Variants in ALDOA observed in about 807,000 individuals in gnomAD.
The protein encoded by ALDOA is aldolase, fructose-bisphosphate A.
Under a neutral mutation model 43.9 loss-of-function variants are expected in ALDOA, and 26 were observed. The observed-to-expected ratio is 0.59, with a 90% CI of 0.43 to 0.82. The LOEUF is 0.82. Among genes scored for constraint, ALDOA ranks in the 40% least tolerant of loss-of-function variants. The pLI, the probability that ALDOA is intolerant of heterozygous loss-of-function variation, is 0.00. For synonymous variants in ALDOA, 258 were observed against 222.6 expected (o/e 1.16, Z -1.42); for missense variants, 498 against 549.5 (o/e 0.91, Z 0.94).
chr16:30,066,022 T>C lies in ALDOA; in HGVS notation c.-14+95T>C, dbSNP rs891338109. On this transcript the variant is annotated intron_variant, in intron 1 of 9. Transcript: ENST00000642816. Reference sequence around the variant, plus strand: ...GGCGTCCGCGTGGAGGCCTCCCCCATCCCATGCCAGCGTCTCCCCACTACC... The same window carrying C: ...GGCGTCCGCGTGGAGGCCTCCCCCACCCCATGCCAGCGTCTCCCCACTACC... 2.0e-5 allele frequency: 3 copies of C among 152,702 alleles called. No homozygotes were observed. The South Asian group carries it at 6.2e-4, about 31-fold the overall frequency. The allele number at this position is 152,702 out of a possible 1,614,324, so 9.5% of individuals were successfully genotyped here. A position where few individuals can be genotyped will look rare whatever the true frequency, so the allele number is the denominator to read the frequency against.
chr16:30,066,369 C>T (rs1172309146), intron 1 of ALDOA: 1 of 153,190 alleles, frequency 6.5e-6, no homozygotes, highest in African/African-American at 2.4e-5. Context: ...CCCCTTAACA[C>T]TTTCCCTGTC....
At position 30,068,841 on chromosome 16, in the gene ALDOA, T is replaced by A. The variant is rs1340448103; in HGVS notation, c.565T>A (p.Cys189Ser). Residue 189 changes from cysteine (C) to serine (S), a missense_variant, in exon 6 of 10, where the codon TGT becomes AGT. By Grantham distance (112) the Cys-to-Ser change is moderately radical (BLOSUM62 -1). Coordinates refer to ENST00000642816, the MANE Select transcript of ALDOA (RefSeq NM_001243177.4). ...TQGLDGLSERCAQYKKDGADF... is the reference protein window; with the variant it reads ...TQGLDGLSERSAQYKKDGADF... ...AGGGTTGGATGGGCTGTCTGAGCGCTGTGCCCAGTACAAGAAGGACGGAGC... is the reference window on the plus strand; with the variant it reads ...AGGGTTGGATGGGCTGTCTGAGCGCAGTGCCCAGTACAAGAAGGACGGAGC... 1 of 1,614,094 alleles carries A rather than the reference T, an allele frequency of 6.2e-7. No homozygotes were observed. Among genetic ancestry groups the A allele is most frequent in the Non-Finnish European group, 8.5e-7 (1 of 1,180,046 alleles).
Position 30,069,571 on chromosome 16 carries a change from A to G in ALDOA, c.859A>G (p.Met287Val), listed in dbSNP as rs758285007. 2.5e-6 allele frequency: 4 copies of G among 1,614,040 alleles called. No individual in the cohort carries two copies. Among genetic ancestry groups the G allele is most frequent in the Non-Finnish European group, 3.4e-6 (4 of 1,180,016 alleles). ...GGAAGGCACCTTGCTGAAGCCCAAC[A>G]TGGTCACCCCAGGCCATGCTTGCAC... ...YLEGTLLKPNMVTPGHACTQK... is the reference protein window; with the variant it reads ...YLEGTLLKPNVVTPGHACTQK... The change falls in exon 8 of 10, where the codon ATG becomes GTG. Residue 287 changes from methionine (M) to valine (V), a missense_variant. Transcript: ENST00000642816.
In ALDOA at chr16:30,069,496, C is replaced by CA. The variant is rs748620627; in HGVS notation, c.787-2dup. The CA allele has an allele frequency of 1.9e-6, 3 of 1,614,130 alleles. No individual in the cohort carries two copies. The South Asian group carries it at 3.3e-5, about 18-fold the overall frequency. On this transcript the variant is annotated splice_polypyrimidine_tract_variant and splice_region_variant and intron_variant, in intron 7 of 9. Transcript: ENST00000642816. Reference sequence around the variant, plus strand: ...TACCCACCGTGCGCCTGCTCTGCTCCAGGTGCTGGCTGCTGTCTACAAGGC... The same window carrying CA: ...TACCCACCGTGCGCCTGCTCTGCTCCAAGGTGCTGGCTGCTGTCTACAAGGC...
rs750880048 is a variant in ALDOA, at chr16:30,069,650, G to T, written c.938G>T (p.Arg313Leu). The T allele has an allele frequency of 1.7e-5, 27 of 1,613,426 alleles. No homozygotes were observed. The highest frequency in any genetic ancestry group is 2.2e-5 in the Non-Finnish European group (26 of 1,180,008). The change falls in exon 8 of 10, where the codon CGC (arginine) becomes CTC (leucine). Residue 313 changes from arginine (R) to leucine (L), a missense_variant. Arg to Leu is a moderately radical substitution (Grantham distance 102, BLOSUM62 -2). Coordinates refer to ENST00000642816, the MANE Select transcript of ALDOA (RefSeq NM_001243177.4). ...ATGGCGACCGTCACAGCGCTGCGCCGCACAGTGCCCCCCGCTGTCACTGGT... is the reference window on the plus strand; with the variant it reads ...ATGGCGACCGTCACAGCGCTGCGCCTCACAGTGCCCCCCGCTGTCACTGGT... ...IAMATVTALRRTVPPAVTGIT... is the reference protein window; with the variant it reads ...IAMATVTALRLTVPPAVTGIT...
upstream of ALDOA, among the ~76,000 whole-genome samples, chr16:30,065,502 C>G (rs946614963): frequency 4.6e-5 from 7 of 152,246 alleles, no homozygotes; most frequent in African/African-American, 9.6e-5. Flanking sequence ...CAGAGCGCGC[C>G]AGGCTGGGGG....
rs1061406 is a variant in ALDOA, at chr16:30,070,191, C to T, written c.1236C>T (p.Phe412=). The T allele has an allele frequency of 3.6e-5, 58 of 1,614,142 alleles. No individual in the cohort carries two copies. The highest frequency in any genetic ancestry group is 1.6e-4 in the Middle Eastern group (1 of 6,062). Residue 412 remains phenylalanine (F), a synonymous_variant, in exon 10 of 10, where the codon TTC becomes TTT. Transcript: ENST00000642816. The stretch of plus-strand genomic sequence containing the variant: ...GGGCTGCTGCCAGCGAGTCCCTCTT[C>T]GTCTCTAACCACGCCTATTAAGCGG... The part of the protein sequence containing the change: ...QAGAAASESL[F]VSNHAY
intron 1 of ALDOA, among the ~76,000 whole-genome samples, chr16:30,066,684 G>A (rs949438932): frequency 6.6e-6 from 1 of 152,224 alleles, no homozygotes; most frequent in Non-Finnish European, 1.5e-5. Context: ...CCAGCCCTGG[G>A]ATCTTGAGGG....
chr16:30,067,881 G>C (rs1288102683), intron 4 of ALDOA: 1 of 619,644 alleles, frequency 1.6e-6, no homozygotes, highest in African/African-American at 1.8e-5. Context: ...TCAGGGAAGT[G>C]AAGTGTTTTG....
At chr16:30,065,207 G>A (rs1385488009), upstream of ALDOA, among the ~76,000 whole-genome samples, 6 of 152,218 alleles carry the variant, frequency 3.9e-5, no homozygotes, top group Non-Finnish European at 8.8e-5. Context: ...TCCTCTCGAT[G>A]CCCTTTCCTC....
upstream of ALDOA, among the ~76,000 whole-genome samples, chr16:30,065,428 G>T (rs961385833): frequency 8.5e-5 from 13 of 152,168 alleles, no homozygotes; most frequent in African/African-American, 3.1e-4. Flanking sequence ...TTTTCCATCC[G>T]CGTCCTCCAC....
rs1166973297 is a variant in ALDOA, at chr16:30,068,640, C to T, written c.487-6C>T. ...TGTCTTAATGTTGTTACCCTGACCC[C>T]AACAGGTAGACAAGGGCGTGGTCCC... On this transcript the variant is annotated splice_region_variant and splice_polypyrimidine_tract_variant and intron_variant, in intron 4 of 9. Coordinates refer to ENST00000642816, the MANE Select transcript of ALDOA (RefSeq NM_001243177.4). The T allele has an allele frequency of 2.5e-6, 4 of 1,613,992 alleles. No individual in the cohort carries two copies. Among genetic ancestry groups the T allele is most frequent in the Non-Finnish European group, 3.4e-6 (4 of 1,180,024 alleles).
At position 30,068,805 on chromosome 16, in the gene ALDOA, C is replaced by T. The variant is rs1347586059; in HGVS notation, c.542-13C>T. ...CCTCCCCACCGTGCTCTGACCCCTTCCTCTTCTCTTAGGGTTGGATGGGCT... is the reference window on the plus strand; with the variant it reads ...CCTCCCCACCGTGCTCTGACCCCTTTCTCTTCTCTTAGGGTTGGATGGGCT... On this transcript the variant is annotated splice_polypyrimidine_tract_variant and intron_variant, in intron 5 of 9. Transcript: ENST00000642816. 6.2e-7 allele frequency: 1 copy of T among 1,614,212 alleles called. No individual in the cohort carries two copies. Among genetic ancestry groups the T allele is most frequent in the East Asian group, 2.2e-5 (1 of 44,884 alleles).
rs1489631773 is a variant in ALDOA at position 30,070,315 on chromosome 16, T to G, written c.*103T>G. The G allele has an allele frequency of 1.8e-6, 2 of 1,099,834 alleles. No individual in the cohort carries two copies. The highest frequency in any genetic ancestry group is 2.8e-6 in the Non-Finnish European group (2 of 723,612). The allele number at this position is 1,099,834 out of a possible 1,614,324, so 68.1% of individuals were successfully genotyped here. On this transcript the variant is annotated 3_prime_UTR_variant, in exon 10 of 10. Coordinates refer to ENST00000642816, the MANE Select transcript of ALDOA (RefSeq NM_001243177.4). ...GGGCTCCAGGCTGGCTTGCCCGCGC[T>G]CTTTCTTCCCTCGTGACAGTGGTGT...
chr16:30,070,056 G>T (rs1267836807), intron 9 of ALDOA, 27 bp downstream of exon 9: 1 of 1,613,558 alleles, frequency 6.2e-7, no homozygotes, highest in East Asian at 2.2e-5. Flanking sequence ...GGTGGGCAGG[G>T]TGCCTGGGTG....
At position 30,070,098 on chromosome 16, in the gene ALDOA, C is replaced by T. The variant is rs766766406; in HGVS notation, c.1162-19C>T. 3 of 1,613,714 alleles carry T rather than the reference C, an allele frequency of 1.9e-6. No homozygotes were observed. Among genetic ancestry groups the T allele is most frequent in the Non-Finnish European group, 2.5e-6 (3 of 1,179,966 alleles). On this transcript the variant is annotated intron_variant, in intron 9 of 9. Coordinates refer to ENST00000642816, the MANE Select transcript of ALDOA (RefSeq NM_001243177.4). ...ACTCGGAGAAGAGCCCTTCTCACTC[C>T]ACCCCTCTCCCTGCTTAGGCCAACA... is the stretch of plus-strand genomic sequence containing the variant.
Position 30,070,276 on chromosome 16 carries a change from A to G in ALDOA, c.*64A>G. The G allele has an allele frequency of 6.5e-7, 1 of 1,532,976 alleles. No homozygotes were observed. Among genetic ancestry groups the G allele is most frequent in the Admixed American group, 1.7e-5 (1 of 59,742 alleles). 95.0% of individuals were successfully genotyped at this position (1,532,976 alleles called of 1,614,324 possible). A position where few individuals can be genotyped will look rare whatever the true frequency, so the allele number is the denominator to read the frequency against. The stretch of plus-strand genomic sequence containing the variant: ...CTGCCCCCTCCCACTCTTGAAGAGG[A>G]GGCCGCCTCCTCGGGGCTCCAGGCT... On this transcript the variant is annotated 3_prime_UTR_variant, in exon 10 of 10. Transcript: ENST00000642816.
Position 30,070,027 on chromosome 16 carries a change from CT to C in ALDOA, c.1160del (p.Leu387ArgfsTer52). 7 of 1,613,790 alleles carry C rather than the reference CT, an allele frequency of 4.3e-6. No individual in the cohort carries two copies. Among genetic ancestry groups the C allele is most frequent in the Non-Finnish European group, 5.9e-6 (7 of 1,180,004 alleles). The stretch of plus-strand genomic sequence containing the variant: ...GCAGGAGGAGTATGTCAAGCGAGCC[CT>C]GGTAAGGATAGGCAGGAGGTGGGCA... The part of the protein sequence containing the change: ...AAQEEYVKRA[L>X]ANSLACQGKY... On this transcript the variant is annotated frameshift_variant and splice_region_variant, in exon 9 of 10. Coordinates refer to ENST00000642816, the MANE Select transcript of ALDOA (RefSeq NM_001243177.4). LOFTEE classifies it high-confidence loss of function.
upstream of ALDOA, chr16:30,065,705 A>ATTTT (rs977108623): frequency 5.9e-5 from 9 of 152,042 alleles, no homozygotes; most frequent in African/African-American, 2.2e-4. Flanking sequence ...TAAAGGAAAA[A>ATTTT]GCTCGGCGGA....
Sources: allele counts gnomAD v4.1 joint callset (sites outside exome capture counted in the v4.1 genomes callset), GRCh38; gene constraint gnomAD v4.1.1; transcripts MANE v1.5; gene names NCBI Gene and HGNC (gene_info 2026-07-23, HGNC 2026-07-21).